ZNF571: variants seen among roughly 807,000 people sequenced by gnomAD.
The protein encoded by ZNF571 is zinc finger protein 571.
In ZNF571, 4 loss-of-function variants were observed where a neutral mutation model predicts 7.7. The observed-to-expected ratio is 0.52, with a 90% CI of 0.25 to 1.18. The LOEUF (loss-of-function observed/expected upper bound fraction) is 1.18. Among genes scored for constraint, ZNF571 ranks in the 50% most tolerant of loss-of-function variants. The probability of loss-of-function intolerance (pLI) is 0.14; values close to 1 mark genes in which losing one functional copy is unlikely to be tolerated. For missense variants in ZNF571, 704 were observed against 726.9 expected (o/e 0.97, Z 0.36); for synonymous variants, 251 against 232.4 (o/e 1.08, Z -0.73).
In ZNF571 at chr19:37,569,276, A is replaced by G. The variant is rs1434102081; in HGVS notation, c.137-2985T>C. On this transcript the variant is annotated intron_variant, in intron 3 of 3. Transcript: ENST00000451802. The surrounding 1 kb of genome is among the most constrained non-coding windows in gnomAD (Gnocchi z 4.4). ...CCCCAAAGCATCCGGAACCACAACA[A>G]AAACCTACTCAGTAATGTTATGAGA... Among the ~76,000 whole-genome samples the G allele has an allele frequency of 6.6e-6, 1 of 152,058 alleles. No homozygotes were observed. The highest frequency in any genetic ancestry group is 2.4e-5 in the African/African-American group (1 of 41,412).
chr19:37,572,065 C>T (rs1034514471), intron 3 of ZNF571, among the ~76,000 whole-genome samples: 4 of 152,104 alleles, frequency 2.6e-5, no homozygotes, highest in Non-Finnish European at 5.9e-5. Context: ...GAGAAAAATT[C>T]ACATATCACA....
At position 37,569,357 on chromosome 19, in the gene ZNF571, A is replaced by G. The variant is rs2042979189; in HGVS notation, c.137-3066T>C. Among the ~76,000 whole-genome samples the G allele has an allele frequency of 6.6e-6, 1 of 152,184 alleles. No homozygotes were observed. The highest frequency in any genetic ancestry group is 6.5e-5 in the Admixed American group (1 of 15,278). On this transcript the variant is annotated intron_variant, in intron 3 of 3. Transcript: ENST00000451802. This position sits in a 1 kb window ranked among gnomAD's most constrained non-coding sequence, Gnocchi z 4.4. ...GAATGGAATAGTAAATATGAAAATC[A>G]CATTATGTCACCATCTTAAGATTTT...
intron 3 of ZNF571, among the ~76,000 whole-genome samples, chr19:37,580,271 ATGATATATAC>A (rs1260296674): frequency 6.6e-6 from 1 of 152,220 alleles, no homozygotes; most frequent in Non-Finnish European, 1.5e-5. Context: ...ATCAATCCTC[ATGATATATAC>A]TGTGCTACAG....
rs1289974925 is a variant in ZNF571 at position 37,564,901 on chromosome 19, CT to C, written c.1526del (p.Lys509ArgfsTer41). 6.2e-7 allele frequency: 1 copy of C among 1,613,888 alleles called. No individual in the cohort carries two copies. Among genetic ancestry groups the C allele is most frequent in the Admixed American group, 1.7e-5 (1 of 59,992 alleles). On this transcript the variant is annotated frameshift_variant, in exon 4 of 4. Coordinates refer to ENST00000451802, the MANE Select transcript of ZNF571 (RefSeq NM_016536.5). LOFTEE classifies it low-confidence loss of function (END_TRUNC). ...EKPYKCKECD[K>X]AFIYGSQLSE... Reference sequence around the variant, plus strand: ...TAAGTTGTGAGCCATAAATAAAGGCCTTGTCACATTCCTTACATTTGTAGGG... The same window carrying C: ...TAAGTTGTGAGCCATAAATAAAGGCCTGTCACATTCCTTACATTTGTAGGG...
At chr19:37,587,690 G>A (rs1190630633) in intron 1 of ZNF571, among the ~76,000 whole-genome samples, 1 of 151,890 alleles carries the variant, frequency 6.6e-6, no homozygotes, top group Non-Finnish European at 1.5e-5. Context: ...CCCAGTAAGA[G>A]AGCAGGTAAA....
At chr19:37,578,038 G>A (rs1444471422) in intron 3 of ZNF571, among the ~76,000 whole-genome samples, 3 of 152,170 alleles carry the variant, frequency 2.0e-5, no homozygotes, top group South Asian at 2.1e-4. Flanking sequence ...GAACCCTATA[G>A]TAAAGTGTGC....
At chr19:37,567,652 TCTCA>T (rs2042907785) in intron 3 of ZNF571, 1 of 152,200 alleles carries the variant, frequency 6.6e-6, no homozygotes, top group African/African-American at 2.4e-5. Context: ...CCAAGAATGC[TCTCA>T]AAGTGGCCAC....
intron 1 of ZNF571, among the ~76,000 whole-genome samples, chr19:37,589,605 G>A (rs1036022143): frequency 5.3e-5 from 8 of 151,922 alleles, no homozygotes; most frequent in African/African-American, 1.2e-4. Flanking sequence ...GATCCTACTG[G>A]ACTAAGTTCC....
chr19:37,565,930 G>A lies in ZNF571; in HGVS notation c.498C>T (p.Cys166=), dbSNP rs75842514. The change falls in exon 4 of 4, where the codon TGC becomes TGT. Residue 166 remains cysteine (C), a synonymous_variant. Transcript: ENST00000451802. ...QHEENHNIEK[C]SEVKKHRNTF... is the part of the protein sequence containing the mutation. The stretch of plus-strand genomic sequence containing the variant: ...TATTCCTGTGTTTCTTAACTTCAGA[G>A]CATTTTTCTATATTATGATTTTCCT... The A allele has an allele frequency of 6.2e-7, 1 of 1,613,772 alleles. No homozygotes were observed. The highest frequency in any genetic ancestry group is 1.3e-5 in the African/African-American group (1 of 75,022).
rs765462859 is a variant in ZNF571, at chr19:37,565,924, T to G, written c.504A>C (p.Glu168Asp). Residue 168 changes from glutamate to aspartate, a missense_variant, in exon 4 of 4, where the codon GAA (glutamate) becomes GAC (aspartate). Transcript: ENST00000451802. ...TAAAGGTATTCCTGTGTTTCTTAAC[T>G]TCAGAGCATTTTTCTATATTATGAT... ...EENHNIEKCS[E>D]VKKHRNTFSK... is the part of the protein sequence containing the mutation. 2.5e-6 allele frequency: 4 copies of G among 1,613,928 alleles called. No homozygotes were observed. The Admixed American group carries it at 6.7e-5, about 27-fold the overall frequency.
chr19:37,566,975 C>T (rs1475019734), intron 3 of ZNF571, among the ~76,000 whole-genome samples: 1 of 152,122 alleles, frequency 6.6e-6, no homozygotes, highest in African/African-American at 2.4e-5. Context: ...CTTACCACTC[C>T]CCTAATTATT....
intron 3 of ZNF571, chr19:37,583,499 C>T (rs1332053373): frequency 1.3e-5 from 2 of 153,516 alleles, no homozygotes; most frequent in African/African-American, 2.4e-5. Flanking sequence ...TTCCACAGGC[C>T]TTTGAAGAGA....
intron 3 of ZNF571, chr19:37,583,766 A>C: frequency 2.1e-6 from 1 of 477,338 alleles, no homozygotes; most frequent in South Asian, 3.1e-5. Flanking sequence ...CATTGGCATC[A>C]AAGAAGGGAG....
In ZNF571 at chr19:37,564,623, G is replaced by GTAAGT. The variant is rs1241429929; in HGVS notation, c.1800_1804dup (p.Thr602AsnfsTer68). ...TCAATTATGAAGCCTTGTATGTTGAGTAAGTTGTGAAGGACATCTAAAGTC... is the reference window on the plus strand; with the variant it reads ...TCAATTATGAAGCCTTGTATGTTGAGTAAGTTAAGTTGTGAAGGACATCTAAAGTC... On this transcript the variant is annotated frameshift_variant, in exon 4 of 4. Transcript: ENST00000451802. LOFTEE classifies it high-confidence loss of function. The GTAAGT allele has an allele frequency of 6.4e-7, 1 of 1,550,676 alleles. No homozygotes were observed. The highest frequency in any genetic ancestry group is 8.7e-7 in the Non-Finnish European group (1 of 1,149,566).
chr19:37,566,441 C>A, intron 3 of ZNF571, 150 bp from the exon 4 acceptor site: 1 of 848,074 alleles, frequency 1.2e-6, no homozygotes, highest in Non-Finnish European at 1.7e-6. Flanking sequence ...TCTTTAAAGG[C>A]ACAAGGAGAG....
At position 37,564,989 on chromosome 19, in the gene ZNF571, C is replaced by A. The variant is rs145299773; in HGVS notation, c.1439G>T (p.Gly480Val). The stretch of plus-strand genomic sequence containing the variant: ...TTGTGTAGCACGTACAAAGGTCTTC[C>A]CACATTCCTTACATTCATAATGTTT... ...GEKHYECKEC[G>V]KTFVRATQLT... Residue 480 changes from glycine (G) to valine (V), a missense_variant, in exon 4 of 4, where the codon GGG becomes GTG. Transcript: ENST00000451802. 55 of 1,613,744 alleles carry A rather than the reference C, an allele frequency of 3.4e-5. No homozygotes were observed. In the African/African-American group the frequency reaches 6.3e-4, roughly 18 times the overall value.
At position 37,565,943 on chromosome 19, in the gene ZNF571, T is replaced by A; in HGVS notation, c.485A>T (p.Asn162Ile). ...SCLIQHEENH[N>I]IEKCSEVKKH... is the part of the protein sequence containing the mutation. ...CTTAACTTCAGAGCATTTTTCTATA[T>A]TATGATTTTCCTCATGTTGAATAAG... Residue 162 changes from asparagine to isoleucine, a missense_variant, in exon 4 of 4, where the codon AAT becomes ATT. By Grantham distance (149) the Asn-to-Ile change is moderately radical. Transcript: ENST00000451802. 6.2e-7 allele frequency: 1 copy of A among 1,613,864 alleles called. No individual in the cohort carries two copies. The highest frequency in any genetic ancestry group is 8.5e-7 in the Non-Finnish European group (1 of 1,179,826).
Position 37,564,602 on chromosome 19 carries a change from T to G in ZNF571, c.1826A>C (p.Asn609Thr). The G allele has an allele frequency of 6.7e-7, 1 of 1,503,112 alleles. No individual in the cohort carries two copies. Among genetic ancestry groups the G allele is most frequent in the Non-Finnish European group, 8.9e-7 (1 of 1,126,002 alleles). The allele number at this position is 1,503,112 out of a possible 1,614,324, so 93.1% of individuals were successfully genotyped here. Residue 609 changes from asparagine to threonine, a missense_variant, in exon 4 of 4, where the codon AAT becomes ACT. Transcript: ENST00000451802. ...TTAATCACATTCAAGGCTTTCTCAA[T>G]TATGAAGCCTTGTATGTTGAGTAAG... ...SQLTQHTRLHN is the reference protein window; with the variant it reads ...SQLTQHTRLHT
intron 1 of ZNF571, 107 bp from the exon 2 acceptor site, chr19:37,586,852 TCA>T (rs2043691520): frequency 1.4e-6 from 1 of 689,786 alleles, no homozygotes; most frequent in Non-Finnish European, 2.5e-6. Context: ...GGAAAAAATC[TCA>T]GTTCTTCCAC....
Sources: allele counts gnomAD v4.1 joint callset (sites outside exome capture counted in the v4.1 genomes callset), GRCh38; gene constraint gnomAD v4.1.1; non-coding constraint Gnocchi (gnomAD v3.1); transcripts MANE v1.5; gene names NCBI Gene and HGNC (gene_info 2026-07-23, HGNC 2026-07-21).